The following MCHR2 variants were observed in gnomAD, a reference collection of about 807,000 sequenced individuals.
MCHR2 encodes the protein melanin-concentrating hormone receptor 2.
A neutral mutation model predicts 24.8 loss-of-function variants in MCHR2; 15 were observed. The ratio of observed to expected loss-of-function variants is 0.60; its 90% CI spans 0.40 to 0.93. The LOEUF (loss-of-function observed/expected upper bound fraction) is 0.93. Among genes scored for constraint, MCHR2 ranks in the 40% least tolerant of loss-of-function variants. The pLI, the probability that MCHR2 is intolerant of heterozygous loss-of-function variation, is 0.00. For synonymous variants in MCHR2, 151 were observed against 147.6 expected (o/e 1.02, Z -0.17); for missense variants, 386 against 408.7 (o/e 0.94, Z 0.48).
At chr6:99,950,123 C>G (rs1430604192) in intron 2 of MCHR2, among the ~76,000 whole-genome samples, 1 of 151,792 alleles carries the variant, frequency 6.6e-6, no homozygotes, top group Admixed American at 6.6e-5. Flanking sequence ...CATTAACTGG[C>G]AATCAAAAAG....
At chr6:99,929,027 G>C (rs552570835) in intron 5 of MCHR2, among the ~76,000 whole-genome samples, 16 of 151,896 alleles carry the variant, frequency 1.1e-4, no homozygotes, top group Non-Finnish European at 2.4e-4. Context: ...CAGAGATTCT[G>C]GTATGTTGTG....
rs144645099 is a variant in MCHR2 at position 99,965,950 on chromosome 6, T to A, written c.-27-9776A>T. On this transcript the variant is annotated intron_variant, in intron 1 of 5. Coordinates refer to ENST00000281806, the MANE Select transcript of MCHR2 (RefSeq NM_001040179.2). Reference sequence around the variant, plus strand: ...TCATAAGATTTGGGAGTATAATCAATTTGGCTACGTATTAATTTCTTTTAA... The same window carrying A: ...TCATAAGATTTGGGAGTATAATCAAATTGGCTACGTATTAATTTCTTTTAA... Among the ~76,000 whole-genome samples, 635 of 152,288 alleles carry A rather than the reference T, an allele frequency of 4.2e-3. 6 individuals are homozygous for A. The highest frequency in any genetic ancestry group is 0.015 in the African/African-American group (610 of 41,566).
chr6:99,934,632 A>G (rs1774619551), intron 4 of MCHR2, 115 bp from the exon 5 acceptor site: 2 of 939,688 alleles, frequency 2.1e-6, no homozygotes, highest in South Asian at 4.9e-5. Context: ...TTCAGGGTCC[A>G]GGATGAAAGT....
At chr6:99,983,757 T>C (rs1036058585) in intron 1 of MCHR2, among the ~76,000 whole-genome samples, 4 of 152,250 alleles carry the variant, frequency 2.6e-5, no homozygotes, top group African/African-American at 9.6e-5. Flanking sequence ...TGTTTGCATT[T>C]ACCAGATACA....
In MCHR2 at chr6:99,957,560, T is replaced by C. The variant is rs545395253; in HGVS notation, c.-27-1386A>G. 6.6e-5 allele frequency among the ~76,000 whole-genome samples: 10 copies of C among 152,200 alleles called. 1 individual carries two copies. In the South Asian group the frequency reaches 2.1e-3, roughly 32 times the overall value. ...ACCACTTTTCTTCAATATTGGACTT[T>C]TCTAGTACAATGGGGGAAGAAAAAA... On this transcript the variant is annotated intron_variant, in intron 1 of 5. Coordinates refer to ENST00000281806, the MANE Select transcript of MCHR2 (RefSeq NM_001040179.2).
At chr6:99,951,336 CCTATACAGGACAGATG>C (rs1774960146) in intron 2 of MCHR2, among the ~76,000 whole-genome samples, 1 of 152,080 alleles carries the variant, frequency 6.6e-6, no homozygotes, top group Admixed American at 6.6e-5. Context: ...ACAGGACAGA[CCTATACAGGACAGATG>C]CTATACAGGA....
chr6:99,984,779 C>T (rs7754794), intron 1 of MCHR2, among the ~76,000 whole-genome samples: 55,261 of 151,850 alleles, frequency 0.36, 10,543 homozygotes, highest in African/African-American at 0.4. Context: ...TACAAGGATG[C>T]CCACTTTCAC....
chr6:99,949,500 T>C lies in MCHR2; in HGVS notation c.183-1529A>G, dbSNP rs559694633. On this transcript the variant is annotated intron_variant, in intron 2 of 5. Transcript: ENST00000281806. The stretch of plus-strand genomic sequence containing the variant: ...GTGCTCTGCTGTTTGGAAGCTAGTG[T>C]GTGTCTTTATTATTCATTGGTTACA... Among the ~76,000 whole-genome samples, 6 of 152,272 alleles carry C rather than the reference T, an allele frequency of 3.9e-5. No homozygotes were observed. In the South Asian group the frequency reaches 1.2e-3, roughly 32 times the overall value.
intron 1 of MCHR2, among the ~76,000 whole-genome samples, chr6:99,977,465 GA>G (rs1775573368): frequency 6.6e-6 from 1 of 152,094 alleles, no homozygotes; most frequent in Non-Finnish European, 1.5e-5. Context: ...CAGGAGTTTT[GA>G]TACCATACGG....
intron 1 of MCHR2, among the ~76,000 whole-genome samples, chr6:99,974,044 T>G (rs576038508): frequency 3.5e-4 from 54 of 152,258 alleles, no homozygotes; most frequent in African/African-American, 1.2e-3. Flanking sequence ...TGTCTTGGAG[T>G]TGCTCTTCTC....
intron 5 of MCHR2, among the ~76,000 whole-genome samples, chr6:99,929,596 C>T (rs957248615): frequency 7.9e-5 from 12 of 151,730 alleles, no homozygotes; most frequent in African/African-American, 2.9e-4. Flanking sequence ...TATGTAATGG[C>T]CTTCTTTGTC....
intron 1 of MCHR2, among the ~76,000 whole-genome samples, chr6:99,961,194 A>G (rs994471210): frequency 3.3e-5 from 5 of 151,838 alleles, no homozygotes; most frequent in Non-Finnish European, 7.4e-5. Context: ...AAAGAAGAAA[A>G]AAAAAGCGTT....
intron 1 of MCHR2, among the ~76,000 whole-genome samples, chr6:99,956,960 G>GTA (rs757149743): frequency 2.0e-5 from 3 of 152,010 alleles, no homozygotes; most frequent in Non-Finnish European, 4.4e-5. Flanking sequence ...GTGTGTGTGT[G>GTA]TGTGTATTTA....
rs1021349429 is a variant in MCHR2, at chr6:99,918,608, T to A, written c.*2332A>T. On this transcript the variant is annotated 3_prime_UTR_variant, in exon 6 of 6. Transcript: ENST00000281806. The stretch of plus-strand genomic sequence containing the variant: ...GAATAGAATAAGGATACGATTATTA[T>A]TTGACTGAGTGACAAATACCCAAGT... Among the ~76,000 whole-genome samples, 1 of 152,210 alleles carries A rather than the reference T, an allele frequency of 6.6e-6. No individual in the cohort carries two copies. The highest frequency in any genetic ancestry group is 1.5e-5 in the Non-Finnish European group (1 of 68,020).
At chr6:99,970,307 C>T (rs1582401506) in intron 1 of MCHR2, among the ~76,000 whole-genome samples, 1 of 152,120 alleles carries the variant, frequency 6.6e-6, no homozygotes, top group African/African-American at 2.4e-5. Flanking sequence ...TCTCTGATGG[C>T]CAGTGATGGT....
rs146237317 is a variant in MCHR2 at position 99,936,615 on chromosome 6, G to A, written c.588-2098C>T. 2.4e-4 allele frequency among the ~76,000 whole-genome samples: 36 copies of A among 151,800 alleles called. 2 individuals carry two copies. In the South Asian group the frequency reaches 5.8e-3, roughly 24 times the overall value. ...TAGCTTTCTAGTAAATTTTGAAGTC[G>A]GGTAGCATGATGCCTCTAGCTTTGT... On this transcript the variant is annotated intron_variant, in intron 4 of 5. Coordinates refer to ENST00000281806, the MANE Select transcript of MCHR2 (RefSeq NM_001040179.2).
intron 5 of MCHR2, among the ~76,000 whole-genome samples, chr6:99,931,038 T>C (rs1774514028): frequency 6.6e-6 from 1 of 152,204 alleles, no homozygotes. Context: ...TCCTGTTTGT[T>C]AGTTTTCCTT....
At chr6:99,983,943 C>G (rs1157213687) in intron 1 of MCHR2, among the ~76,000 whole-genome samples, 3 of 152,052 alleles carry the variant, frequency 2.0e-5, no homozygotes, top group African/African-American at 7.2e-5. Flanking sequence ...TTGTTTTTAG[C>G]TCTGGAAGGA....
intron 5 of MCHR2, among the ~76,000 whole-genome samples, chr6:99,933,496 C>A (rs1014179119): frequency 1.3e-5 from 2 of 152,054 alleles, no homozygotes; most frequent in African/African-American, 4.8e-5. Context: ...AAATGGACCA[C>A]ACTTTACTAG....
Sources: gnomAD v4.1 joint callset for allele counts (sites outside exome capture counted in the v4.1 genomes callset) on GRCh38, gnomAD v4.1.1 for gene constraint, MANE v1.5 for transcripts, NCBI Gene and HGNC (gene_info 2026-07-23, HGNC 2026-07-21) for gene names.